The following CDYL2 variants were observed in gnomAD, a reference collection of about 807,000 sequenced individuals.
CDYL2 encodes the protein chromodomain Y like 2, also known as chromodomain Y-like protein 2.
A neutral mutation model predicts 49.4 loss-of-function variants in CDYL2; 23 were observed. The observed-to-expected ratio is 0.47, with a 90% CI of 0.34 to 0.66. The LOEUF is 0.66. CDYL2 is among the 30% of genes least tolerant of loss of function. The probability of loss-of-function intolerance (pLI) is 0.01; values close to 1 mark genes in which losing one functional copy is unlikely to be tolerated. For missense variants in CDYL2, 678 were observed against 656.4 expected, an observed-to-expected ratio of 1.03 and a Z score of -0.36; for synonymous variants, 360 against 268.8, an observed-to-expected ratio of 1.34 and a Z score of -3.32.
chr16:80,771,893 GAA>G (rs1259409575), intron 1 of CDYL2, among the ~76,000 whole-genome samples: 1 of 151,872 alleles, frequency 6.6e-6, no homozygotes, highest in East Asian at 1.9e-4. Flanking sequence ...GAAGGAAAGA[GAA>G]AAACTGCTTA....
chr16:80,689,458 C>A (rs116030453), intron 1 of CDYL2, among the ~76,000 whole-genome samples: 1,872 of 152,320 alleles, frequency 0.012, 36 homozygotes, highest in African/African-American at 0.042. Flanking sequence ...GGGGAGGAAA[C>A]TGAGGCTCAG....
At chr16:80,758,667 C>T (rs564049416) in intron 1 of CDYL2, among the ~76,000 whole-genome samples, 143 of 151,744 alleles carry the variant, frequency 9.4e-4, no homozygotes, top group African/African-American at 3.2e-3. Flanking sequence ...CTCAGCCTCC[C>T]GAGTAGCTGG....
intron 1 of CDYL2, among the ~76,000 whole-genome samples, chr16:80,718,102 T>A (rs1904873659): frequency 6.6e-6 from 1 of 152,152 alleles, no homozygotes; most frequent in African/African-American, 2.4e-5. Flanking sequence ...AAGGGTTAAA[T>A]CAGAGTCCAA....
intron 1 of CDYL2, among the ~76,000 whole-genome samples, chr16:80,744,451 T>C (rs1002467368): frequency 4.6e-5 from 7 of 151,776 alleles, no homozygotes; most frequent in Admixed American, 4.6e-4. Context: ...TGTTCAGACC[T>C]CCTGACCTGA....
chr16:80,654,369 AAGC>A (rs1334241279), intron 2 of CDYL2, among the ~76,000 whole-genome samples: 1 of 152,224 alleles, frequency 6.6e-6, no homozygotes, highest in East Asian at 1.9e-4. Flanking sequence ...ACATTTAAAG[AAGC>A]AGCACACAGT....
rs549462967 is a variant in CDYL2, at chr16:80,603,773, A to C, written c.*615T>G. 1 of 152,794 alleles carries C rather than the reference A, an allele frequency of 6.5e-6. No homozygotes were observed. Among genetic ancestry groups the C allele is most frequent in the South Asian group, 2.1e-4 (1 of 4,826 alleles). The allele number at this position is 152,794 out of a possible 1,614,324, so 9.5% of individuals were successfully genotyped here. ...ATAAATTATCAGAATTTCCACTTAC[A>C]TTGTTTTAAAAATATATATTTAACA... On this transcript the variant is annotated 3_prime_UTR_variant, in exon 7 of 7. Transcript: ENST00000570137.
At chr16:80,755,714 G>A (rs1368283733) in intron 1 of CDYL2, among the ~76,000 whole-genome samples, 1 of 152,156 alleles carries the variant, frequency 6.6e-6, no homozygotes, top group Non-Finnish European at 1.5e-5. Context: ...AACACCAACA[G>A]TACTGTACAA....
At chr16:80,636,506 T>C (rs141367288) in intron 2 of CDYL2, among the ~76,000 whole-genome samples, 356 of 152,294 alleles carry the variant, frequency 2.3e-3, no homozygotes, top group Non-Finnish European at 4.0e-3. Context: ...CACAATGAGA[T>C]GCCATCTCAC....
rs142691447 is a variant in CDYL2, at chr16:80,653,042, G to A, written c.617-19806C>T. On this transcript the variant is annotated intron_variant, in intron 2 of 6. Coordinates refer to ENST00000570137, the MANE Select transcript of CDYL2 (RefSeq NM_152342.4). ...CAGTTCATAATAATACTTGAATACC[G>A]GTTCACCAGTTTCAACAACAAAAAA... is the stretch of plus-strand genomic sequence containing the variant. Among the ~76,000 whole-genome samples the A allele has an allele frequency of 5.3e-3, 804 of 152,164 alleles. 4 individuals carry two copies. The highest frequency in any genetic ancestry group is 0.017 in the African/African-American group (711 of 41,478).
intron 1 of CDYL2, among the ~76,000 whole-genome samples, chr16:80,761,767 A>G (rs1363446252): frequency 6.6e-6 from 1 of 152,200 alleles, no homozygotes; most frequent in Non-Finnish European, 1.5e-5. Flanking sequence ...TTATATGTTA[A>G]TAAAAATACA....
chr16:80,751,979 T>G (rs1009183477), intron 1 of CDYL2, among the ~76,000 whole-genome samples: 2 of 152,062 alleles, frequency 1.3e-5, no homozygotes, highest in Non-Finnish European at 2.9e-5. Flanking sequence ...AACCGTAAAT[T>G]ACCAGGCACA....
chr16:80,768,147 G>T (rs1408309403), intron 1 of CDYL2, among the ~76,000 whole-genome samples: 1 of 152,132 alleles, frequency 6.6e-6, no homozygotes, highest in Admixed American at 6.5e-5. Context: ...TGACTTCACA[G>T]CCCATGTTCT....
At chr16:80,613,766 C>G (rs1163629167) in intron 4 of CDYL2, among the ~76,000 whole-genome samples, 1 of 152,182 alleles carries the variant, frequency 6.6e-6, no homozygotes, top group Admixed American at 6.5e-5. Flanking sequence ...AGGAAAGACA[C>G]AAGATGTCTA....
chr16:80,610,716 C>G (rs1420268141), intron 5 of CDYL2, among the ~76,000 whole-genome samples: 3 of 152,222 alleles, frequency 2.0e-5, no homozygotes, highest in Non-Finnish European at 2.9e-5. Context: ...GGCATGATGA[C>G]AGCACCAAGC....
intron 1 of CDYL2, among the ~76,000 whole-genome samples, chr16:80,728,583 G>C (rs1905236572): frequency 6.6e-6 from 1 of 151,984 alleles, no homozygotes; most frequent in African/African-American, 2.4e-5. Flanking sequence ...TTCAGATTCA[G>C]GAAATACAGA....
chr16:80,741,655 A>T (rs1163776227), intron 1 of CDYL2, among the ~76,000 whole-genome samples: 1 of 152,230 alleles, frequency 6.6e-6, no homozygotes, highest in Non-Finnish European at 1.5e-5. Context: ...ATATTTAAAC[A>T]AACAACAGAT....
chr16:80,685,686 G>A (rs918494911), intron 1 of CDYL2, among the ~76,000 whole-genome samples: 11 of 152,080 alleles, frequency 7.2e-5, no homozygotes, highest in Admixed American at 2.0e-4. Flanking sequence ...TCATTTTCTC[G>A]TGGACAAAAA....
intron 1 of CDYL2, among the ~76,000 whole-genome samples, chr16:80,767,478 T>TC (rs1300267937): frequency 6.6e-6 from 1 of 152,060 alleles, no homozygotes; most frequent in South Asian, 2.1e-4. Flanking sequence ...TGCACACAGA[T>TC]CCCCCCACTA....
At chr16:80,699,725 C>A (rs980826116) in intron 1 of CDYL2, among the ~76,000 whole-genome samples, 3 of 152,098 alleles carry the variant, frequency 2.0e-5, no homozygotes, top group African/African-American at 4.8e-5. Flanking sequence ...ATGCTAATTA[C>A]CCTGATTTGA....
Sources: allele counts gnomAD v4.1 joint callset (sites outside exome capture counted in the v4.1 genomes callset), GRCh38; gene constraint gnomAD v4.1.1; transcripts MANE v1.5; gene names NCBI Gene and HGNC (gene_info 2026-07-23, HGNC 2026-07-21).